The following SLC10A7 variants were observed in gnomAD, a reference collection of about 807,000 sequenced individuals.
SLC10A7 encodes the protein sodium/bile acid cotransporter 7.
SLC10A7 carries 29 observed loss-of-function variants against 43.2 expected under a neutral mutation model. The ratio of observed to expected loss-of-function variants is 0.67; its 90% CI spans 0.50 to 0.92. The LOEUF is 0.92. SLC10A7 is among the 40% of genes least tolerant of loss of function. SLC10A7 has a pLI of 0.00. For missense variants in SLC10A7, 295 were observed against 403.2 expected (o/e 0.73, Z 2.30); for synonymous variants, 152 against 144.8 (o/e 1.05, Z -0.35).
chr4:146,498,407 C>G (rs752845766), intron 4 of SLC10A7, among the ~76,000 whole-genome samples: 1 of 152,028 alleles, frequency 6.6e-6, no homozygotes, highest in Non-Finnish European at 1.5e-5. Context: ...CATGAGCCAC[C>G]GCCCCCGGCC....
chr4:146,376,118 G>C (rs1245762967), intron 5 of SLC10A7, among the ~76,000 whole-genome samples: 4 of 152,152 alleles, frequency 2.6e-5, no homozygotes, highest in Non-Finnish European at 2.9e-5. Context: ...GAGGAGCACA[G>C]AGCTTTCATG....
At chr4:146,333,473 A>G (rs1733672558) in intron 5 of SLC10A7, among the ~76,000 whole-genome samples, 1 of 152,158 alleles carries the variant, frequency 6.6e-6, no homozygotes, top group Non-Finnish European at 1.5e-5. Context: ...AGTGCTTAAT[A>G]GGGAGGTGAA....
chr4:146,412,078 T>C (rs1043015427), intron 5 of SLC10A7, among the ~76,000 whole-genome samples: 1 of 152,160 alleles, frequency 6.6e-6, no homozygotes, highest in African/African-American at 2.4e-5. Flanking sequence ...TCTGCATTTC[T>C]AACACCTGCT....
chr4:146,327,452 C>T lies in SLC10A7; in HGVS notation c.436-1456G>A, dbSNP rs113969284. On this transcript the variant is annotated intron_variant, in intron 5 of 11. Transcript: ENST00000335472. ...ACAAATAACTGATAACTTCGAAGGG[C>T]TACTGTCCTTCAATGACTTGTACTA... Among the ~76,000 whole-genome samples the T allele has an allele frequency of 6.3e-3, 952 of 152,270 alleles. 6 individuals are homozygous for T. The highest frequency in any genetic ancestry group is 0.021 in the African/African-American group (888 of 41,534).
chr4:146,316,953 C>T (rs1173330961), intron 6 of SLC10A7, among the ~76,000 whole-genome samples: 2 of 152,084 alleles, frequency 1.3e-5, no homozygotes, highest in Admixed American at 1.3e-4. Flanking sequence ...AAAATTAACT[C>T]ATTTCATCTT....
At chr4:146,414,198 T>C (rs996215309) in intron 5 of SLC10A7, among the ~76,000 whole-genome samples, 3 of 152,022 alleles carry the variant, frequency 2.0e-5, no homozygotes, top group African/African-American at 4.8e-5. Context: ...CTCCTCAACA[T>C]GACTAGGAAA....
intron 4 of SLC10A7, among the ~76,000 whole-genome samples, chr4:146,471,594 A>G (rs1299888649): frequency 6.6e-6 from 1 of 152,176 alleles, no homozygotes; most frequent in Non-Finnish European, 1.5e-5. Context: ...ATACATATTA[A>G]AAGAATGATC....
intron 4 of SLC10A7, chr4:146,478,091 T>G (rs1734180060): frequency 6.6e-6 from 1 of 152,166 alleles, no homozygotes; most frequent in Non-Finnish European, 1.5e-5. Context: ...GAGAAACAAA[T>G]TTTCTCAGAC....
chr4:146,370,254 C>G (rs1226057709), intron 5 of SLC10A7, among the ~76,000 whole-genome samples: 1 of 152,138 alleles, frequency 6.6e-6, no homozygotes, highest in Admixed American at 6.6e-5. Context: ...CATAGAACAA[C>G]TTGACCATTC....
At chr4:146,335,760 A>G (rs182431251) in intron 5 of SLC10A7, among the ~76,000 whole-genome samples, 182 of 152,230 alleles carry the variant, frequency 1.2e-3, no homozygotes, top group African/African-American at 3.9e-3. Flanking sequence ...CCAAGGTGAC[A>G]TTGATTGCCT....
chr4:146,305,038 C>T (rs1731452561), intron 7 of SLC10A7, among the ~76,000 whole-genome samples: 1 of 151,520 alleles, frequency 6.6e-6, no homozygotes, highest in African/African-American at 2.4e-5. Flanking sequence ...GGATCTAGAA[C>T]TAGAAATACC....
intron 4 of SLC10A7, among the ~76,000 whole-genome samples, chr4:146,448,257 CTT>C (rs1731283183): frequency 2.0e-5 from 3 of 151,518 alleles, no homozygotes; most frequent in African/African-American, 7.3e-5. Flanking sequence ...TTAAAAAAAA[CTT>C]AAAAAAATGG....
chr4:146,280,219 T>C (rs1475037565), intron 10 of SLC10A7, among the ~76,000 whole-genome samples: 2 of 152,200 alleles, frequency 1.3e-5, no homozygotes, highest in African/African-American at 2.4e-5. Flanking sequence ...AGAAATACTA[T>C]GATAGTGACT....
chr4:146,331,512 C>G (rs1349482499), intron 5 of SLC10A7, among the ~76,000 whole-genome samples: 1 of 152,118 alleles, frequency 6.6e-6, no homozygotes, highest in Non-Finnish European at 1.5e-5. Context: ...TTTCAGTATG[C>G]TTTTCTAATG....
intron 5 of SLC10A7, among the ~76,000 whole-genome samples, chr4:146,335,779 A>G (rs754254361): frequency 6.6e-6 from 1 of 152,122 alleles, no homozygotes; most frequent in Non-Finnish European, 1.5e-5. Flanking sequence ...CTAACACTTC[A>G]TGAACACTAT....
chr4:146,425,963 T>A (rs527971361), intron 5 of SLC10A7, among the ~76,000 whole-genome samples: 1 of 152,360 alleles, frequency 6.6e-6, no homozygotes, highest in South Asian at 2.1e-4. Context: ...TACTTTCTCT[T>A]GTGAATTTAA....
At chr4:146,513,753 A>C (rs1430923988) in intron 2 of SLC10A7, 1 of 152,212 alleles carries the variant, frequency 6.6e-6, no homozygotes, top group African/African-American at 2.4e-5. Context: ...TTCTGCATAC[A>C]ACCATAAAGA....
chr4:146,348,997 T>C (rs1734823553), intron 5 of SLC10A7, among the ~76,000 whole-genome samples: 1 of 152,168 alleles, frequency 6.6e-6, no homozygotes, highest in East Asian at 1.9e-4. Flanking sequence ...ATTTCTTAGA[T>C]TTAAAATGGG....
intron 5 of SLC10A7, among the ~76,000 whole-genome samples, chr4:146,371,459 G>A (rs1436230253): frequency 2.0e-5 from 3 of 152,190 alleles, no homozygotes; most frequent in Non-Finnish European, 2.9e-5. Context: ...GTTGATGCTG[G>A]GCCTTGTGGA....
Sources: allele counts gnomAD v4.1 joint callset (sites outside exome capture counted in the v4.1 genomes callset), GRCh38; gene constraint gnomAD v4.1.1; transcripts MANE v1.5; gene names NCBI Gene and HGNC (gene_info 2026-07-23, HGNC 2026-07-21).